The following NKAIN3 variants were observed in gnomAD, a reference collection of about 807,000 sequenced individuals.
The protein encoded by NKAIN3 is sodium/potassium transporting ATPase interacting 3.
Under a neutral mutation model 30.2 loss-of-function variants are expected in NKAIN3, and 25 were observed. The ratio of observed to expected loss-of-function variants is 0.83; its 90% confidence interval spans 0.60 to 1.16. The LOEUF (loss-of-function observed/expected upper bound fraction) is 1.16. Among genes scored for constraint, NKAIN3 ranks in the 50% most tolerant of loss-of-function variants. The pLI is 0.00. For synonymous variants in NKAIN3, 91 were observed against 89.6 expected (o/e 1.02, Z -0.09); for missense variants, 225 against 254.1 (o/e 0.89, Z 0.78).
chr8:62,429,414 AT>A (rs1804925096), intron 1 of NKAIN3, among the ~76,000 whole-genome samples: 1 of 151,844 alleles, frequency 6.6e-6, no homozygotes, highest in South Asian at 2.1e-4. Flanking sequence ...TACAGTTCTT[AT>A]TTCTGTATAT....
chr8:62,590,169 T>C (rs761700410), intron 3 of NKAIN3, among the ~76,000 whole-genome samples: 6 of 151,736 alleles, frequency 4.0e-5, no homozygotes, highest in Non-Finnish European at 5.9e-5. Flanking sequence ...GGAAAAGGGA[T>C]TGATGAAGAT....
chr8:62,897,491 T>C (rs528300869), intron 4 of NKAIN3, among the ~76,000 whole-genome samples: 57 of 152,204 alleles, frequency 3.7e-4, no homozygotes, highest in Middle Eastern at 6.8e-3. Context: ...AGAGTCCCAA[T>C]GGGGACATAG....
chr8:62,717,055 A>G (rs1170653984), intron 3 of NKAIN3, among the ~76,000 whole-genome samples: 1 of 152,210 alleles, frequency 6.6e-6, no homozygotes, highest in East Asian at 1.9e-4. Flanking sequence ...TTTCAATTCT[A>G]CCTTAAAAAT....
chr8:62,790,920 T>C (rs546772116), intron 4 of NKAIN3, among the ~76,000 whole-genome samples: 1 of 152,164 alleles, frequency 6.6e-6, no homozygotes, highest in South Asian at 2.1e-4. Context: ...AAAGTTTAAA[T>C]CCTATCTCGG....
chr8:62,483,742 CG>C, intron 1 of NKAIN3: 1 of 301,040 alleles, frequency 3.3e-6, no homozygotes. Context: ...CTGGATGTTG[CG>C]GGAGGCTTTC....
At chr8:62,849,456 TTTA>T (rs1373760317) in intron 4 of NKAIN3, among the ~76,000 whole-genome samples, 1 of 150,898 alleles carries the variant, frequency 6.6e-6, no homozygotes, top group African/African-American at 2.4e-5. Flanking sequence ...GGAAATTTTT[TTTA>T]TTATTATACT....
chr8:62,352,769 G>C (rs73684966), intron 1 of NKAIN3, among the ~76,000 whole-genome samples: 6,166 of 152,172 alleles, frequency 0.041, 436 homozygotes, highest in African/African-American at 0.14. Context: ...GTGAGCATGC[G>C]TGTCTCCCGT....
intron 4 of NKAIN3, among the ~76,000 whole-genome samples, chr8:62,862,813 T>C (rs1820293916): frequency 6.6e-6 from 1 of 152,172 alleles, no homozygotes; most frequent in Non-Finnish European, 1.5e-5. Flanking sequence ...AGTTAGATAA[T>C]ATAAGTGTAG....
intron 4 of NKAIN3, among the ~76,000 whole-genome samples, chr8:62,852,305 C>G (rs896927103): frequency 2.6e-5 from 4 of 152,070 alleles, no homozygotes. Flanking sequence ...GTGATATCCC[C>G]TTTATCGTTT....
intron 1 of NKAIN3, among the ~76,000 whole-genome samples, chr8:62,344,303 C>T (rs1293176962): frequency 6.6e-6 from 1 of 152,002 alleles, no homozygotes; most frequent in African/African-American, 2.4e-5. Context: ...TACATAAGTG[C>T]ATTATGTAAT....
intron 3 of NKAIN3, among the ~76,000 whole-genome samples, chr8:62,745,468 C>T (rs1355178211): frequency 6.6e-6 from 1 of 152,212 alleles, no homozygotes; most frequent in Admixed American, 6.5e-5. Flanking sequence ...CCGGGGACTG[C>T]TTTGGCCTCT....
At position 62,685,136 on chromosome 8, in the gene NKAIN3, G is replaced by A. The variant is rs74404327; in HGVS notation, c.274-61796G>A. Among the ~76,000 whole-genome samples, 228 of 152,262 alleles carry A rather than the reference G, an allele frequency of 1.5e-3. 1 individual carries two copies. Among genetic ancestry groups the A allele is most frequent in the Middle Eastern group, 3.4e-3 (1 of 294 alleles). On this transcript the variant is annotated intron_variant, in intron 3 of 6. Transcript: ENST00000623646. ...GCAGCAATGGTTTTCTGCCCAAGAA[G>A]GCTTAGGTTAACATTGGCGAGATTC...
intron 1 of NKAIN3, among the ~76,000 whole-genome samples, chr8:62,561,451 G>A (rs1329206862): frequency 6.6e-6 from 1 of 152,026 alleles, no homozygotes; most frequent in East Asian, 1.9e-4. Context: ...CATGAATGAG[G>A]CACAAATAAA....
intron 4 of NKAIN3, among the ~76,000 whole-genome samples, chr8:62,902,452 G>T (rs1821641342): frequency 6.6e-6 from 1 of 152,052 alleles, no homozygotes; most frequent in South Asian, 2.1e-4. Context: ...CAGTTTCTTG[G>T]GTCTGACTGC....
intron 1 of NKAIN3, among the ~76,000 whole-genome samples, chr8:62,415,893 G>T (rs1170289392): frequency 1.3e-5 from 2 of 151,796 alleles, no homozygotes; most frequent in South Asian, 2.1e-4. Flanking sequence ...GAGTAGCTGG[G>T]ACTACAGGTG....
Position 62,965,337 on chromosome 8 carries a change from C to T in NKAIN3, c.604-17C>T, listed in dbSNP as rs935507675. Reference sequence around the variant, plus strand: ...AGCTTTGAAGTTCTTGAAAGCAATTCGTATTTTCTGTTTTAGGTCGAAATA... The same window carrying T: ...AGCTTTGAAGTTCTTGAAAGCAATTTGTATTTTCTGTTTTAGGTCGAAATA... On this transcript the variant is annotated splice_polypyrimidine_tract_variant and intron_variant, in intron 6 of 6. Transcript: ENST00000623646. The T allele has an allele frequency of 4.1e-6, 4 of 985,648 alleles. No individual in the cohort carries two copies. Among genetic ancestry groups the T allele is most frequent in the African/African-American group, 3.5e-5 (2 of 57,334 alleles). The allele number at this position is 985,648 out of a possible 1,614,324, so 61.1% of individuals were successfully genotyped here.
intron 4 of NKAIN3, among the ~76,000 whole-genome samples, chr8:62,826,645 T>C (rs576151100): frequency 6.6e-6 from 1 of 152,326 alleles, no homozygotes. Flanking sequence ...TAACAGGCAC[T>C]GATTGCTCCA....
intron 1 of NKAIN3, among the ~76,000 whole-genome samples, chr8:62,350,201 G>T (rs1298465015): frequency 1.3e-5 from 2 of 152,004 alleles, no homozygotes; most frequent in East Asian, 1.9e-4. Context: ...ATAGCCAAAA[G>T]GTGGAAATCA....
rs558018213 is a variant in NKAIN3 at position 62,398,180 on chromosome 8, G to A, written c.54+149053G>A. 5.9e-5 allele frequency among the ~76,000 whole-genome samples: 9 copies of A among 152,246 alleles called. No individual in the cohort carries two copies. The South Asian group carries it at 1.9e-3, about 32-fold the overall frequency. On this transcript the variant is annotated intron_variant, in intron 1 of 6. Transcript: ENST00000623646. ...GAAGAAACTCAAGAAACTAAAAGCA[G>A]AGGCTGCAGGGAAGGGGCCCCTGGG... is the stretch of plus-strand genomic sequence containing the variant.
Sources: gnomAD v4.1 joint callset for allele counts (sites outside exome capture counted in the v4.1 genomes callset) on GRCh38, gnomAD v4.1.1 for gene constraint, MANE v1.5 for transcripts, NCBI Gene and HGNC (gene_info 2026-07-23, HGNC 2026-07-21) for gene names.